The following P3H4 variants were observed in gnomAD, a reference collection of about 807,000 sequenced individuals.
The protein encoded by P3H4 is endoplasmic reticulum protein SC65.
A neutral mutation model predicts 52.9 loss-of-function variants in P3H4; 47 were observed. The observed-to-expected ratio is 0.89, with a 90% CI of 0.70 to 1.13. P3H4 has a LOEUF of 1.13. Ranked by LOEUF, P3H4 falls within the 50% of genes most tolerant of loss-of-function variation. P3H4 has a pLI of 0.00. For synonymous variants in P3H4, 256 were observed against 267.9 expected (o/e 0.96, Z 0.44); for missense variants, 585 against 611.0 (o/e 0.96, Z 0.45).
Position 41,802,235 on chromosome 17 carries a change from G to C in P3H4, c.*722C>G, listed in dbSNP as rs1467298823. ...ATGGGTCTGGGGTGCAGCACCCATG[G>C]GTGAGGCAGGATGGGGGTCCAGTCA... On this transcript the variant is annotated 3_prime_UTR_variant, in exon 8 of 8. Coordinates refer to ENST00000393928, the MANE Select transcript of P3H4 (RefSeq NM_006455.3). The C allele has an allele frequency of 6.6e-6, 1 of 152,490 alleles. No homozygotes were observed. Among genetic ancestry groups the C allele is most frequent in the Non-Finnish European group, 1.5e-5 (1 of 68,444 alleles). The allele number at this position is 152,490 out of a possible 1,614,324, so 9.4% of individuals were successfully genotyped here. A position where few individuals can be genotyped will look rare whatever the true frequency, so the allele number is the denominator to read the frequency against.
intron 6 of P3H4, among the ~76,000 whole-genome samples, chr17:41,803,749 C>T (rs2047643071): frequency 6.6e-6 from 1 of 152,198 alleles, no homozygotes; most frequent in African/African-American, 2.4e-5. Context: ...TACTGTTTCC[C>T]TGCCAGGAAC....
At chr17:41,810,671 T>C in intron 3 of P3H4, 192 bp downstream of exon 3, 1 of 626,366 alleles carries the variant, frequency 1.6e-6, no homozygotes, top group Admixed American at 3.1e-5. Context: ...TGTCACTGCC[T>C]CTACTCACTG....
intron 6 of P3H4, among the ~76,000 whole-genome samples, chr17:41,805,931 G>C (rs1257262404): frequency 6.6e-6 from 1 of 152,028 alleles, no homozygotes; most frequent in Non-Finnish European, 1.5e-5. Context: ...TGAAATCAAT[G>C]TTAATAGGGC....
At position 41,811,059 on chromosome 17, in the gene P3H4, T is replaced by C; in HGVS notation, c.616-25A>G. The C allele has an allele frequency of 6.2e-7, 1 of 1,604,084 alleles. No individual in the cohort carries two copies. Among genetic ancestry groups the C allele is most frequent in the Non-Finnish European group, 8.5e-7 (1 of 1,173,172 alleles). On this transcript the variant is annotated intron_variant, in intron 2 of 7. Transcript: ENST00000393928. This position sits in a 1 kb window ranked among gnomAD's most constrained non-coding sequence, Gnocchi z 4.8. ...CCTGGAAGGGGCGTGGCAGGGGGAG[T>C]CAGGGCGCCCCCAACATCTCCCCTC...
rs184456907 is a variant in P3H4 at position 41,804,104 on chromosome 17, G to A, written c.1147-673C>T. Among the ~76,000 whole-genome samples the A allele has an allele frequency of 5.9e-5, 9 of 152,058 alleles. No individual in the cohort carries two copies. The East Asian group carries it at 9.7e-4, about 16-fold the overall frequency. On this transcript the variant is annotated intron_variant, in intron 6 of 7. Transcript: ENST00000393928. Reference sequence around the variant, plus strand: ...GCAGCTGGGAATATAGGCGCATGCCGCCACTCCTGGCTAATTTTTTGCATT... The same window carrying A: ...GCAGCTGGGAATATAGGCGCATGCCACCACTCCTGGCTAATTTTTTGCATT...
chr17:41,807,749 C>A, intron 5 of P3H4, 110 bp downstream of exon 5: 1 of 1,361,136 alleles, frequency 7.3e-7, no homozygotes, highest in Non-Finnish European at 1.0e-6. Context: ...CCACCCGCCT[C>A]AGCCTCCCAA....
At chr17:41,805,701 C>A (rs1438858034) in intron 6 of P3H4, among the ~76,000 whole-genome samples, 6 of 152,116 alleles carry the variant, frequency 3.9e-5, no homozygotes, top group African/African-American at 1.4e-4. Flanking sequence ...GAAACAGAAG[C>A]TTGAGAGGTT....
Position 41,810,901 on chromosome 17 carries a change from T to A in P3H4, c.749A>T (p.Glu250Val). The A allele has an allele frequency of 3.7e-6, 6 of 1,614,074 alleles. No homozygotes were observed. Among genetic ancestry groups the A allele is most frequent in the Non-Finnish European group, 5.1e-6 (6 of 1,179,980 alleles). Residue 250 changes from glutamate to valine, a missense_variant, in exon 3 of 8, where the codon GAG becomes GTG. Transcript: ENST00000393928. ...RCLAGCEGAH[E>V]QVDFKDFYPA... ...GTAGAAGTCCTTGAAGTCCACCTGC[T>A]CATGGGCCCCTTCACAGCCGGCCAG...
At chr17:41,808,356 A>G (rs1597896860) in intron 4 of P3H4, among the ~76,000 whole-genome samples, 1 of 152,032 alleles carries the variant, frequency 6.6e-6, no homozygotes, top group East Asian at 1.9e-4. Context: ...TGGGATTACA[A>G]GCAGGCACCA....
intron 6 of P3H4, among the ~76,000 whole-genome samples, chr17:41,804,415 C>T (rs183878310): frequency 2.6e-5 from 4 of 152,034 alleles, no homozygotes; most frequent in Non-Finnish European, 4.4e-5. Flanking sequence ...CATTTGAGGT[C>T]AGGAGTTCAA....
At position 41,811,157 on chromosome 17, in the gene P3H4, G is replaced by T. The variant is rs201546474; in HGVS notation, c.590C>A (p.Thr197Lys). The change falls in exon 2 of 8, where the codon ACG becomes AAG. Residue 197 changes from threonine (T) to lysine (K), a missense_variant. Transcript: ENST00000393928. This position sits in a 1 kb window ranked among gnomAD's most constrained non-coding sequence, Gnocchi z 4.8. ...CTCGTAGGGCTGGGCCTCTAGGTCCGTGAGGGACTCGTCGGCGACGTCCAG... is the reference window on the plus strand; with the variant it reads ...CTCGTAGGGCTGGGCCTCTAGGTCCTTGAGGGACTCGTCGGCGACGTCCAG... ...GMLDVADESL[T>K]DLEAQPYEAV... The T allele has an allele frequency of 1.2e-6, 2 of 1,614,202 alleles. No homozygotes were observed. Among genetic ancestry groups the T allele is most frequent in the East Asian group, 4.5e-5 (2 of 44,874 alleles).
At chr17:41,803,032 G>T in intron 7 of P3H4, 53 bp from the exon 8 acceptor site, 2 of 1,594,560 alleles carry the variant, frequency 1.3e-6, no homozygotes. Flanking sequence ...ACTCCCAATG[G>T]GTGTCCAGGT....
At position 41,811,255 on chromosome 17, in the gene P3H4, C is replaced by G. The variant is rs1555615052; in HGVS notation, c.492G>C (p.Ala164=). The G allele has an allele frequency of 1.2e-6, 2 of 1,613,536 alleles. No homozygotes were observed. The highest frequency in any genetic ancestry group is 1.7e-6 in the Non-Finnish European group (2 of 1,179,964). The part of the protein sequence containing the change: ...KANRLEKAVA[A]AYTFLQRNPK... The stretch of plus-strand genomic sequence containing the variant: ...GGTTCCTCTGGAGGAAGGTGTAGGC[C>G]GCCGCCACCGCCTTCTCCAGCCGGT... The change falls in exon 2 of 8, where the codon GCG becomes GCC. Residue 164 remains alanine, a synonymous_variant. Transcript: ENST00000393928. The surrounding 1 kb of genome is among the most constrained non-coding windows in gnomAD (Gnocchi z 4.8).
intron 6 of P3H4, among the ~76,000 whole-genome samples, chr17:41,806,447 C>T (rs1168326021): frequency 6.6e-6 from 1 of 152,130 alleles, no homozygotes; most frequent in Admixed American, 6.5e-5. Flanking sequence ...TGGACGAGGG[C>T]TGCAATCACC....
In P3H4 at chr17:41,807,992, C is replaced by T. The variant is rs551655243; in HGVS notation, c.929G>A (p.Arg310His). The change falls in exon 5 of 8, where the codon CGC becomes CAC. Residue 310 changes from arginine (R) to histidine (H), a missense_variant. Transcript: ENST00000393928. ...GCTGGCGGCGCTGCGGGCAGCCTGG[C>T]GCACATCATTCACTGCAGCAGGACA... ...QFAYYKLNDV[R>H]QAARSAASYM... The T allele has an allele frequency of 1.4e-5, 22 of 1,613,518 alleles. No individual in the cohort carries two copies. The East Asian group carries it at 2.7e-4, about 20-fold the overall frequency.
rs1479784869 is a variant in P3H4 at position 41,802,510 on chromosome 17, CCT to C, written c.*445_*446del. 5.6e-6 allele frequency: 1 copy of C among 177,128 alleles called. No homozygotes were observed. The highest frequency in any genetic ancestry group is 2.4e-5 in the African/African-American group (1 of 41,048). The allele number at this position is 177,128 out of a possible 1,614,324, so 11.0% of individuals were successfully genotyped here. A position where few individuals can be genotyped will look rare whatever the true frequency, so the allele number is the denominator to read the frequency against. On this transcript the variant is annotated 3_prime_UTR_variant, in exon 8 of 8. Transcript: ENST00000393928. ...TGAACTCCTGACCTCAAGTGATCGG[CCT>C]CTCAGTGCTGGGATTACAGGCGTGA...
Position 41,810,890 on chromosome 17 carries a change from A to G in P3H4, c.760T>C (p.Phe254Leu), listed in dbSNP as rs146020969. ...GCTATGGCCGGGTAGAAGTCCTTGA[A>G]GTCCACCTGCTCATGGGCCCCTTCA... is the stretch of plus-strand genomic sequence containing the variant. ...GCEGAHEQVD[F>L]KDFYPAIADL... is the part of the protein sequence containing the mutation. Residue 254 changes from phenylalanine to leucine, a missense_variant, in exon 3 of 8, where the codon TTC becomes CTC. Phe to Leu is a conservative substitution (Grantham distance 22, BLOSUM62 0). Coordinates refer to ENST00000393928, the MANE Select transcript of P3H4 (RefSeq NM_006455.3). The G allele has an allele frequency of 2.1e-5, 34 of 1,614,026 alleles. No homozygotes were observed. The African/African-American group carries it at 3.9e-4, about 18-fold the overall frequency.
Position 41,811,928 on chromosome 17 carries a change from GCCGGCTCT to G in P3H4, c.-21_-14del. ...CCACCCGAGCCATGCCCGCCGCGCC[GCCGGCTCT>G]CCGGAGCTGAGCTGGCTGCCCCGCG... On this transcript the variant is annotated 5_prime_UTR_variant, in exon 1 of 8. Transcript: ENST00000393928. This position sits in a 1 kb window ranked among gnomAD's most constrained non-coding sequence, Gnocchi z 4.8. 6.7e-7 allele frequency: 1 copy of G among 1,496,632 alleles called. No individual in the cohort carries two copies. Among genetic ancestry groups the G allele is most frequent in the Non-Finnish European group, 8.8e-7 (1 of 1,131,586 alleles). 92.7% of individuals were successfully genotyped at this position (1,496,632 alleles called of 1,614,324 possible).
intron 6 of P3H4, among the ~76,000 whole-genome samples, chr17:41,804,221 G>C (rs1157706575): frequency 6.6e-6 from 1 of 151,856 alleles, no homozygotes; most frequent in Non-Finnish European, 1.5e-5. Context: ...AAAGTGCTGG[G>C]ATTACAGGTG....
Sources: allele counts gnomAD v4.1 joint callset (sites outside exome capture counted in the v4.1 genomes callset), GRCh38; gene constraint gnomAD v4.1.1; non-coding constraint Gnocchi (gnomAD v3.1); transcripts MANE v1.5; gene names NCBI Gene and HGNC (gene_info 2026-07-23, HGNC 2026-07-21).